The following PRKG1 variants were observed in gnomAD, a reference collection of about 807,000 sequenced individuals.
PRKG1 encodes the protein cGMP-dependent protein kinase 1.
PRKG1 carries 35 observed loss-of-function variants against 88.1 expected under a neutral mutation model. The ratio of observed to expected loss-of-function variants is 0.40; its 90% CI spans 0.30 to 0.53. The LOEUF is 0.53. PRKG1 is among the 20% of genes least tolerant of loss of function. The probability of loss-of-function intolerance (pLI) is 0.59; values close to 1 mark genes in which losing one functional copy is unlikely to be tolerated. For missense variants in PRKG1, 540 were observed against 839.8 expected, an observed-to-expected ratio of 0.64 and a Z score of 4.41; for synonymous variants, 303 against 292.5, an observed-to-expected ratio of 1.04 and a Z score of -0.37.
chr10:51,052,759 A>T lies in PRKG1; in HGVS notation c.266+61115A>T, dbSNP rs374504801. 1.5e-3 allele frequency among the ~76,000 whole-genome samples: 233 copies of T among 152,316 alleles called. 2 individuals carry two copies. Among genetic ancestry groups the T allele is most frequent in the African/African-American group, 5.5e-3 (229 of 41,564 alleles). ...TTCAATGTAGAGGCTTTGCCCCGTGAGAAGAGATTTATCACCAAACCAGCT... is the reference window on the plus strand; with the variant it reads ...TTCAATGTAGAGGCTTTGCCCCGTGTGAAGAGATTTATCACCAAACCAGCT... On this transcript the variant is annotated intron_variant, in intron 1 of 17. Coordinates refer to the PRKG1 transcript ENST00000401604.
At chr10:51,698,278 T>C (rs755122614) in intron 3 of PRKG1, 1 of 1,614,100 alleles carries the variant, frequency 6.2e-7, no homozygotes, top group Non-Finnish European at 8.5e-7. Flanking sequence ...AGACCTCAGT[T>C]TCCATGGCAC....
At position 51,450,850 on chromosome 10, in the gene PRKG1, T is replaced by TAA. The variant is rs78144019; in HGVS notation, c.479-16861_479-16860dup. ...AGAAACACCTTGTCTTAACAAAAATTAAAAAAAAAAAAAGATGCCCCTCAT... is the reference window on the plus strand; with the variant it reads ...AGAAACACCTTGTCTTAACAAAAATTAAAAAAAAAAAAAAAGATGCCCCTCAT... On this transcript the variant is annotated intron_variant, in intron 2 of 17. Transcript: ENST00000373980. Among the ~76,000 whole-genome samples, 3 of 138,482 alleles carry TAA rather than the reference T, an allele frequency of 2.2e-5. 1 individual carries two copies. Among genetic ancestry groups the TAA allele is most frequent in the Non-Finnish European group, 3.2e-5 (2 of 62,940 alleles). 90.8% of individuals were successfully genotyped at this position (138,482 alleles called of 152,430 possible).
intron 2 of PRKG1, among the ~76,000 whole-genome samples, chr10:51,226,537 A>C (rs1302132886): frequency 6.6e-6 from 1 of 152,218 alleles, no homozygotes; most frequent in Non-Finnish European, 1.5e-5. Flanking sequence ...CAACTGTAGC[A>C]ATGTTATTCA....
Position 52,226,689 on chromosome 10 carries a change from T to C in PRKG1, c.1077-24881T>C, listed in dbSNP as rs907884916. ...TCCTGATCACAAGATGCACAGTGAA[T>C]GCCATTTTCATTTCCCAGAGACTCC... On this transcript the variant is annotated intron_variant, in intron 9 of 17. Coordinates refer to ENST00000373980, the MANE Select transcript of PRKG1 (RefSeq NM_006258.4). Among the ~76,000 whole-genome samples the C allele has an allele frequency of 3.9e-5, 6 of 152,246 alleles. 1 individual carries two copies. Among genetic ancestry groups the C allele is most frequent in the Admixed American group, 1.3e-4 (2 of 15,260 alleles).
At chr10:51,355,260 T>C in intron 2 of PRKG1, among the ~76,000 whole-genome samples, 1 of 152,084 alleles carries the variant, frequency 6.6e-6, no homozygotes, top group Non-Finnish European at 1.5e-5. Flanking sequence ...CCTTAATCTT[T>C]TAGCTTTTTA....
intron 7 of PRKG1, among the ~76,000 whole-genome samples, chr10:52,104,923 G>A (rs1005296839): frequency 1.3e-4 from 20 of 152,166 alleles, no homozygotes; most frequent in African/African-American, 4.8e-4. Context: ...TTTCGTGAAA[G>A]AATGCGGGGA....
intron 1 of PRKG1, among the ~76,000 whole-genome samples, chr10:51,052,170 A>G (rs1452388286): frequency 2.6e-5 from 4 of 152,204 alleles, no homozygotes; most frequent in Non-Finnish European, 5.9e-5. Context: ...ATAGATTTAT[A>G]TTTCTTTTAC....
chr10:51,589,705 A>G (rs1011482949), intron 3 of PRKG1, among the ~76,000 whole-genome samples: 3 of 152,222 alleles, frequency 2.0e-5, no homozygotes, highest in Non-Finnish European at 4.4e-5. Context: ...CAGGTTATGC[A>G]CCTTCACTTT....
intron 3 of PRKG1, among the ~76,000 whole-genome samples, chr10:51,471,003 G>GA (rs1320640207): frequency 6.6e-6 from 1 of 151,768 alleles, no homozygotes; most frequent in Non-Finnish European, 1.5e-5. Flanking sequence ...GATATAGAAA[G>GA]AAAAAAATCG....
At chr10:51,042,704 C>T (rs1023473948) in intron 1 of PRKG1, among the ~76,000 whole-genome samples, 2 of 152,148 alleles carry the variant, frequency 1.3e-5, no homozygotes, top group Non-Finnish European at 2.9e-5. Flanking sequence ...AGACACTGGA[C>T]TTGGGATGGC....
Position 51,100,526 on chromosome 10 carries a change from GT to G in PRKG1, c.311+25627del, listed in dbSNP as rs751488621. On this transcript the variant is annotated intron_variant, in intron 1 of 17. Coordinates refer to ENST00000373980, the MANE Select transcript of PRKG1 (RefSeq NM_006258.4). ...ACAATGAAGTACAAATATCTCCTTG[GT>G]TGATAGAATATCAAAATTGCTGCAA... 7.9e-5 allele frequency among the ~76,000 whole-genome samples: 12 copies of G among 152,194 alleles called. No individual in the cohort carries two copies. The East Asian group carries it at 2.3e-3, about 29-fold the overall frequency.
chr10:51,274,170 G>A (rs1477710756), intron 2 of PRKG1, among the ~76,000 whole-genome samples: 1 of 152,102 alleles, frequency 6.6e-6, no homozygotes, highest in Non-Finnish European at 1.5e-5. Flanking sequence ...ATTGAAGTGA[G>A]AGTATTTGCT....
chr10:52,270,963 T>C (rs1841712718), intron 10 of PRKG1, among the ~76,000 whole-genome samples: 1 of 152,110 alleles, frequency 6.6e-6, no homozygotes, highest in Non-Finnish European at 1.5e-5. Context: ...TATAACCCTA[T>C]TTTTGGCCAT....
intron 7 of PRKG1, among the ~76,000 whole-genome samples, chr10:52,085,597 T>C (rs1031857761): frequency 6.6e-6 from 1 of 152,158 alleles, no homozygotes; most frequent in African/African-American, 2.4e-5. Flanking sequence ...TCAACTTTTA[T>C]ATTTTCTGTC....
intron 3 of PRKG1, among the ~76,000 whole-genome samples, chr10:51,583,536 A>C (rs1838095909): frequency 2.0e-5 from 3 of 152,042 alleles, no homozygotes; most frequent in Admixed American, 2.0e-4. Context: ...TTTTCTACCA[A>C]AACATCTTCA....
intron 1 of PRKG1, among the ~76,000 whole-genome samples, chr10:51,122,930 G>A (rs372685235): frequency 6.6e-6 from 1 of 152,058 alleles, no homozygotes; most frequent in Non-Finnish European, 1.5e-5. Flanking sequence ...CTATCTATAC[G>A]TTTTATTGAG....
intron 3 of PRKG1, among the ~76,000 whole-genome samples, chr10:51,785,185 T>G (rs1475594868): frequency 6.6e-6 from 1 of 151,768 alleles, no homozygotes; most frequent in Non-Finnish European, 1.5e-5. Context: ...CCTCTACCCA[T>G]TCTCAAGTTT....
intron 2 of PRKG1, among the ~76,000 whole-genome samples, chr10:51,264,617 A>T (rs1453516178): frequency 6.6e-6 from 1 of 152,174 alleles, no homozygotes; most frequent in Non-Finnish European, 1.5e-5. Flanking sequence ...CTTTGGTAAG[A>T]TTCCATAGCA....
intron 2 of PRKG1, among the ~76,000 whole-genome samples, chr10:51,314,617 G>C (rs1351097249): frequency 6.6e-6 from 1 of 152,146 alleles, no homozygotes; most frequent in African/African-American, 2.4e-5. Flanking sequence ...CATCTTCTAA[G>C]TATATTGCTT....
Sources: allele counts gnomAD v4.1 joint callset (sites outside exome capture counted in the v4.1 genomes callset), GRCh38; gene constraint gnomAD v4.1.1; transcripts MANE v1.5; gene names NCBI Gene and HGNC (gene_info 2026-07-23, HGNC 2026-07-21).